The following MAN2A1 variants were observed in gnomAD, a reference collection of about 807,000 sequenced individuals.
MAN2A1 encodes the protein mannosidase alpha class 2A member 1.
MAN2A1 carries 76 observed loss-of-function variants against 142.6 expected under a neutral mutation model. The observed-to-expected ratio is 0.53, with a 90% confidence interval of 0.44 to 0.65. The LOEUF (loss-of-function observed/expected upper bound fraction) is 0.65. MAN2A1 is among the 30% of genes least tolerant of loss of function. The probability of loss-of-function intolerance (pLI) is 0.00; values close to 1 mark genes in which losing one functional copy is unlikely to be tolerated. For synonymous variants in MAN2A1, 559 were observed against 473.2 expected, an observed-to-expected ratio of 1.18 and a Z score of -2.35; for missense variants, 1,311 against 1,365.1, an observed-to-expected ratio of 0.96 and a Z score of 0.62.
chr5:109,763,062 C>G (rs954894791), intron 5 of MAN2A1, among the ~76,000 whole-genome samples: 2 of 152,192 alleles, frequency 1.3e-5, no homozygotes, highest in African/African-American at 2.4e-5. Flanking sequence ...CATGCTGGCT[C>G]AAGTAGACCA....
At chr5:109,702,343 G>C (rs954188468) in intron 1 of MAN2A1, among the ~76,000 whole-genome samples, 16 of 151,818 alleles carry the variant, frequency 1.1e-4, no homozygotes, top group Non-Finnish European at 2.4e-4. Context: ...GTGTGTGTGT[G>C]TGTGTGTGTC....
intron 12 of MAN2A1, chr5:109,804,377 C>G (rs1754109982): frequency 1.6e-6 from 1 of 617,946 alleles, no homozygotes; most frequent in Non-Finnish European, 2.0e-6. Context: ...TTAGGCAAGA[C>G]AATTGTATGT....
At chr5:109,767,419 C>T in intron 5 of MAN2A1, 116 bp from the exon 6 acceptor site, 2 of 779,636 alleles carry the variant, frequency 2.6e-6, no homozygotes, top group Middle Eastern at 2.9e-4. Context: ...CTGGGTAGAT[C>T]CTTGGTCTGA....
chr5:109,816,052 T>G (rs1300371000), intron 12 of MAN2A1, among the ~76,000 whole-genome samples: 3 of 152,208 alleles, frequency 2.0e-5, no homozygotes, highest in Non-Finnish European at 4.4e-5. Flanking sequence ...TCATGAAGTC[T>G]GCAATGTGAT....
chr5:109,731,296 A>G (rs936775904), intron 4 of MAN2A1, among the ~76,000 whole-genome samples: 4 of 151,818 alleles, frequency 2.6e-5, no homozygotes, highest in African/African-American at 7.3e-5. Context: ...TGACCAATCA[A>G]TTTTAATTAA....
intron 7 of MAN2A1, among the ~76,000 whole-genome samples, chr5:109,772,612 T>G (rs1417940222): frequency 1.3e-5 from 2 of 152,096 alleles, no homozygotes; most frequent in Non-Finnish European, 2.9e-5. Flanking sequence ...GCTCATGCAA[T>G]TCTCCCACCT....
At chr5:109,791,412 G>T (rs188788010) in intron 12 of MAN2A1, among the ~76,000 whole-genome samples, 47 of 152,102 alleles carry the variant, frequency 3.1e-4, no homozygotes, top group African/African-American at 9.9e-4. Context: ...CCTTTAAAAT[G>T]GAAGAATTTG....
intron 20 of MAN2A1, 71 bp downstream of exon 20, chr5:109,855,405 G>A: frequency 2.0e-6 from 2 of 988,462 alleles, no homozygotes; most frequent in Admixed American, 3.4e-5. Flanking sequence ...GTAAGGAAAG[G>A]AGAAAAAAAT....
intron 4 of MAN2A1, among the ~76,000 whole-genome samples, chr5:109,739,200 T>G (rs939278938): frequency 6.6e-6 from 1 of 152,146 alleles, no homozygotes; most frequent in Non-Finnish European, 1.5e-5. Flanking sequence ...AAAGCTTTCT[T>G]ATATAATGCT....
At chr5:109,837,318 G>T (rs1755082575) in intron 16 of MAN2A1, among the ~76,000 whole-genome samples, 1 of 151,866 alleles carries the variant, frequency 6.6e-6, no homozygotes. Context: ...GAAGCCTCTT[G>T]TGCTTTATTT....
intron 17 of MAN2A1, among the ~76,000 whole-genome samples, chr5:109,842,909 G>A (rs567046688): frequency 9.5e-5 from 14 of 147,994 alleles, no homozygotes; most frequent in East Asian, 4.3e-4. Flanking sequence ...AGGTTCAAGC[G>A]ACTCTCCTGC....
At chr5:109,698,668 G>T (rs1190843592) in intron 1 of MAN2A1, among the ~76,000 whole-genome samples, 1 of 152,208 alleles carries the variant, frequency 6.6e-6, no homozygotes, top group Non-Finnish European at 1.5e-5. Context: ...TTTTCCAAGA[G>T]CAGAGAAGAC....
Position 109,700,493 on chromosome 5 carries a change from G to A in MAN2A1, c.135+9941G>A, listed in dbSNP as rs182667079. Among the ~76,000 whole-genome samples the A allele has an allele frequency of 4.0e-4, 61 of 152,166 alleles. 1 individual carries two copies. Among genetic ancestry groups the A allele is most frequent in the Middle Eastern group, 6.8e-3 (2 of 294 alleles). ...TGTGGCATTTATGGGTCCTGGCCTT[G>A]GTGGTAACATTTTACCTGTAGAGCA... On this transcript the variant is annotated intron_variant, in intron 1 of 21. Transcript: ENST00000261483.
At chr5:109,838,905 T>G (rs918553655) in intron 16 of MAN2A1, among the ~76,000 whole-genome samples, 5 of 152,182 alleles carry the variant, frequency 3.3e-5, no homozygotes, top group African/African-American at 1.2e-4. Context: ...TTATTATTGC[T>G]AGAGGTAGTG....
intron 5 of MAN2A1, among the ~76,000 whole-genome samples, chr5:109,761,086 G>A (rs1304028108): frequency 6.6e-6 from 1 of 150,926 alleles, no homozygotes; most frequent in Non-Finnish European, 1.5e-5. Context: ...TCATATGCAT[G>A]TGTATATGTG....
In MAN2A1 at chr5:109,730,878, G is replaced by A. The variant is rs559801594; in HGVS notation, c.707+1365G>A. On this transcript the variant is annotated intron_variant, in intron 4 of 21. Coordinates refer to ENST00000261483, the MANE Select transcript of MAN2A1 (RefSeq NM_002372.4). Reference sequence around the variant, plus strand: ...TCTTCTTTGCACACTGCGCCATCCTGCCTTCCTAAGATTGAATTAGTCCAT... The same window carrying A: ...TCTTCTTTGCACACTGCGCCATCCTACCTTCCTAAGATTGAATTAGTCCAT... Among the ~76,000 whole-genome samples the A allele has an allele frequency of 1.6e-3, 237 of 152,186 alleles. 1 individual carries two copies. Among genetic ancestry groups the A allele is most frequent in the African/African-American group, 5.6e-3 (231 of 41,534 alleles).
chr5:109,842,144 T>C (rs1039409564), intron 16 of MAN2A1, among the ~76,000 whole-genome samples, 184 bp from the exon 17 acceptor site: 8 of 152,244 alleles, frequency 5.3e-5, no homozygotes, highest in African/African-American at 1.7e-4. Context: ...AAGTGCTATC[T>C]ACCTTCTGAT....
chr5:109,849,237 T>C (rs564041291), intron 19 of MAN2A1, among the ~76,000 whole-genome samples: 1 of 152,290 alleles, frequency 6.6e-6, no homozygotes, highest in South Asian at 2.1e-4. Context: ...TCTCTTCTAC[T>C]CCTCTGGTTT....
chr5:109,766,828 TTTA>T (rs1753005657), intron 5 of MAN2A1, among the ~76,000 whole-genome samples: 1 of 152,156 alleles, frequency 6.6e-6, no homozygotes, highest in African/African-American at 2.4e-5. Flanking sequence ...AACCAGTACA[TTTA>T]TTATCTTTTT....
Sources: gnomAD v4.1 joint callset for allele counts (sites outside exome capture counted in the v4.1 genomes callset) on GRCh38, gnomAD v4.1.1 for gene constraint, MANE v1.5 for transcripts, NCBI Gene and HGNC (gene_info 2026-07-23, HGNC 2026-07-21) for gene names.